Variants in ZNRF3 observed in about 807,000 individuals in gnomAD.
ZNRF3 encodes E3 ubiquitin-protein ligase ZNRF3.
ZNRF3 carries 23 observed loss-of-function variants against 72.5 expected under a neutral mutation model. That is an observed-to-expected ratio of 0.32 (90% CI 0.23 to 0.45). The LOEUF is 0.45. Among genes scored for constraint, ZNRF3 ranks in the 20% least tolerant of loss-of-function variants. The pLI is 1.00. For missense variants in ZNRF3, 1,169 were observed against 1,272.1 expected (o/e 0.92, Z 1.23); for synonymous variants, 610 against 545.3 (o/e 1.12, Z -1.65).
intron 1 of ZNRF3, among the ~76,000 whole-genome samples, chr22:28,960,406 C>T (rs2035336570): frequency 6.6e-6 from 1 of 152,150 alleles, no homozygotes; most frequent in Non-Finnish European, 1.5e-5. Flanking sequence ...CCCTGGTGTC[C>T]CTTCCCAATC....
At position 29,054,801 on chromosome 22, in the gene ZNRF3, C is replaced by CTACG. The variant is rs929729984; in HGVS notation, c.*1180_*1183dup. ...CCTTTCTGGGGGCATGTGACTGGAC[C>CTACG]TACGAGGTCTGCACTGAGCTCCATT... On this transcript the variant is annotated 3_prime_UTR_variant, in exon 9 of 9. Coordinates refer to ENST00000544604, the MANE Select transcript of ZNRF3 (RefSeq NM_001206998.2). 2.0e-5 allele frequency: 3 copies of CTACG among 152,974 alleles called. No individual in the cohort carries two copies. Among genetic ancestry groups the CTACG allele is most frequent in the Non-Finnish European group, 2.9e-5 (2 of 68,200 alleles). The allele number at this position is 152,974 out of a possible 1,614,324, so 9.5% of individuals were successfully genotyped here.
At chr22:28,914,550 C>T (rs2034376415) in intron 1 of ZNRF3, among the ~76,000 whole-genome samples, 2 of 143,122 alleles carry the variant, frequency 1.4e-5, no homozygotes, top group South Asian at 2.2e-4. Context: ...CACGGTGGCT[C>T]ACGCCTATAA....
chr22:28,895,820 C>T (rs192557508), intron 1 of ZNRF3, among the ~76,000 whole-genome samples: 6 of 152,190 alleles, frequency 3.9e-5, no homozygotes, highest in East Asian at 1.9e-4. Flanking sequence ...CATTCTGCTG[C>T]GATGGTTGAA....
intron 2 of ZNRF3, among the ~76,000 whole-genome samples, chr22:28,988,722 G>A (rs575293233): frequency 6.6e-6 from 1 of 152,272 alleles, no homozygotes; most frequent in East Asian, 1.9e-4. Context: ...CTACAGGGTA[G>A]GAACAGTGCT....
intron 1 of ZNRF3, among the ~76,000 whole-genome samples, chr22:28,952,686 A>G (rs893910916): frequency 2.0e-5 from 3 of 152,196 alleles, no homozygotes; most frequent in African/African-American, 7.2e-5. Context: ...TTCTGGCTTG[A>G]GTTAATTTTT....
chr22:28,912,864 C>T (rs1318558823), intron 1 of ZNRF3, among the ~76,000 whole-genome samples: 1 of 152,042 alleles, frequency 6.6e-6, no homozygotes, highest in Non-Finnish European at 1.5e-5. Flanking sequence ...TGGGGTGTCA[C>T]CATGTTGGCC....
intron 1 of ZNRF3, 82 bp from the exon 2 acceptor site, chr22:28,986,994 A>G (rs969421675): frequency 2.0e-6 from 3 of 1,509,034 alleles, no homozygotes; most frequent in African/African-American, 1.4e-5. Flanking sequence ...ACTTTTGGCT[A>G]TAGCATCTGA....
At chr22:28,915,006 G>T (rs969436305) in intron 1 of ZNRF3, among the ~76,000 whole-genome samples, 22 of 152,246 alleles carry the variant, frequency 1.4e-4, no homozygotes, top group African/African-American at 4.6e-4. Flanking sequence ...CCCCAGAGGG[G>T]AGGCGTTCTC....
rs796763939 is a variant in ZNRF3 at position 28,950,223 on chromosome 22, C to T, written c.301-36853C>T. Among the ~76,000 whole-genome samples, 6 of 152,270 alleles carry T rather than the reference C, an allele frequency of 3.9e-5. 1 individual carries two copies. The highest frequency in any genetic ancestry group is 1.4e-4 in the African/African-American group (6 of 41,548). On this transcript the variant is annotated intron_variant, in intron 1 of 8. Coordinates refer to ENST00000544604, the MANE Select transcript of ZNRF3 (RefSeq NM_001206998.2). ...TTGTGTTATTACAAAAATGGTTTTGCCCTCACAGATTACCTGAAAAGGTTG... is the reference window on the plus strand; with the variant it reads ...TTGTGTTATTACAAAAATGGTTTTGTCCTCACAGATTACCTGAAAAGGTTG...
At chr22:28,927,584 T>C (rs1311655730) in intron 1 of ZNRF3, among the ~76,000 whole-genome samples, 1 of 152,216 alleles carries the variant, frequency 6.6e-6, no homozygotes, top group African/African-American at 2.4e-5. Flanking sequence ...AATATGTGAT[T>C]CTGTGTGTGT....
intron 8 of ZNRF3, 102 bp from the exon 9 acceptor site, chr22:29,053,477 C>A: frequency 8.9e-7 from 1 of 1,117,610 alleles, no homozygotes; most frequent in Non-Finnish European, 1.3e-6. Flanking sequence ...TTAGCATACA[C>A]AGGCCTGCCA....
At chr22:28,913,928 T>C (rs1273325966) in intron 1 of ZNRF3, among the ~76,000 whole-genome samples, 1 of 152,140 alleles carries the variant, frequency 6.6e-6, no homozygotes, top group East Asian at 1.9e-4. Context: ...CCCCGACCCC[T>C]GCAGCCCTAA....
At chr22:28,998,533 A>C (rs765814815) in intron 2 of ZNRF3, among the ~76,000 whole-genome samples, 1 of 152,186 alleles carries the variant, frequency 6.6e-6, no homozygotes, top group African/African-American at 2.4e-5. Flanking sequence ...TTAGTAAAGG[A>C]AATCAGATCA....
intron 1 of ZNRF3, among the ~76,000 whole-genome samples, chr22:28,939,243 C>T (rs945512017): frequency 2.1e-5 from 3 of 144,624 alleles, no homozygotes; most frequent in African/African-American, 5.1e-5. Flanking sequence ...AAGATTGTGC[C>T]ACTGCACTCC....
At chr22:28,891,322 C>CAGAT (rs1234155439) in intron 1 of ZNRF3, among the ~76,000 whole-genome samples, 1 of 152,164 alleles carries the variant, frequency 6.6e-6, no homozygotes, top group Non-Finnish European at 1.5e-5. Flanking sequence ...CAGGGGACAC[C>CAGAT]AGATGCAGGG....
At chr22:29,006,575 C>G (rs2036253494) in intron 2 of ZNRF3, among the ~76,000 whole-genome samples, 1 of 152,154 alleles carries the variant, frequency 6.6e-6, no homozygotes. Context: ...TTATCAGTCT[C>G]CAGGCTGGCT....
In ZNRF3 at chr22:29,053,714, C is replaced by A; in HGVS notation, c.*92C>A. The A allele has an allele frequency of 7.6e-7, 1 of 1,311,762 alleles. No homozygotes were observed. The highest frequency in any genetic ancestry group is 1.1e-6 in the Non-Finnish European group (1 of 945,852). The allele number at this position is 1,311,762 out of a possible 1,614,324, so 81.3% of individuals were successfully genotyped here. On this transcript the variant is annotated 3_prime_UTR_variant, in exon 9 of 9. Coordinates refer to ENST00000544604, the MANE Select transcript of ZNRF3 (RefSeq NM_001206998.2). ...AAACAAAAACAAAAAATTTTTTTAG[C>A]TTTGACAAACACACAAAAGTGGTAA...
intron 2 of ZNRF3, among the ~76,000 whole-genome samples, chr22:29,028,182 G>T (rs868378339): frequency 6.6e-6 from 1 of 152,160 alleles, no homozygotes. Context: ...AACTTGCATT[G>T]GCTACAATGG....
At chr22:29,026,102 C>T (rs1255290439) in intron 2 of ZNRF3, 1 of 152,116 alleles carries the variant, frequency 6.6e-6, no homozygotes, top group African/African-American at 2.4e-5. Context: ...AGGACTGGAA[C>T]GCATTTGGGA....
Sources: allele counts gnomAD v4.1 joint callset (sites outside exome capture counted in the v4.1 genomes callset), GRCh38; gene constraint gnomAD v4.1.1; transcripts MANE v1.5; gene names NCBI Gene and HGNC (gene_info 2026-07-23, HGNC 2026-07-21).